FER: variants seen among roughly 807,000 people sequenced by gnomAD.
The protein encoded by FER is tyrosine-protein kinase Fer.
In FER, 63 loss-of-function variants were observed where a neutral mutation model predicts 111.0. That is an observed-to-expected ratio of 0.57 (90% CI 0.46 to 0.70). FER has a LOEUF of 0.70. FER is among the 30% of genes least tolerant of loss of function. FER has a pLI of 0.00. For missense variants in FER, 914 were observed against 954.0 expected, an observed-to-expected ratio of 0.96 and a Z score of 0.55; for synonymous variants, 327 against 313.9, an observed-to-expected ratio of 1.04 and a Z score of -0.44.
chr5:109,161,792 T>G (rs556027416), intron 17 of FER, among the ~76,000 whole-genome samples: 3 of 152,146 alleles, frequency 2.0e-5, no homozygotes, highest in African/African-American at 7.2e-5. Context: ...AACCCCAATG[T>G]GATTGCTTGG....
chr5:108,943,255 G>A (rs1756519208), intron 10 of FER, among the ~76,000 whole-genome samples: 1 of 152,152 alleles, frequency 6.6e-6, no homozygotes, highest in Non-Finnish European at 1.5e-5. Context: ...ATGATGGGGA[G>A]TTGGACAAAA....
At chr5:109,051,416 C>G in intron 16 of FER, 1 of 1,612,916 alleles carries the variant, frequency 6.2e-7, no homozygotes, top group Non-Finnish European at 8.5e-7. Context: ...TCATGTCCAG[C>G]AGCTAGTTTT....
intron 10 of FER, among the ~76,000 whole-genome samples, chr5:108,929,615 A>G (rs1342415275): frequency 6.6e-6 from 1 of 151,796 alleles, no homozygotes; most frequent in Non-Finnish European, 1.5e-5. Flanking sequence ...TTTTTTTTAA[A>G]GGAAGTCATT....
intron 10 of FER, among the ~76,000 whole-genome samples, chr5:108,901,401 A>T (rs1327160347): frequency 6.6e-6 from 1 of 152,146 alleles, no homozygotes; most frequent in East Asian, 1.9e-4. Context: ...GAGGCCATCA[A>T]GAGAGGAATG....
In FER at chr5:108,833,036, A is replaced by G. The variant is rs1364424758; in HGVS notation, c.381+93A>G. ...ATTTGGCTTTAAAAATTGTTTATTC[A>G]TCATTTCCCAACAAGAAATAGGTTT... On this transcript the variant is annotated intron_variant, in intron 4 of 19. Transcript: ENST00000281092. The G allele has an allele frequency of 7.2e-6, 8 of 1,106,906 alleles. No individual in the cohort carries two copies. In the East Asian group the frequency reaches 1.8e-4, roughly 24 times the overall value. 68.6% of individuals were successfully genotyped at this position (1,106,906 alleles called of 1,614,324 possible).
At chr5:109,083,485 C>T (rs1777220095) in intron 16 of FER, among the ~76,000 whole-genome samples, 1 of 152,004 alleles carries the variant, frequency 6.6e-6, no homozygotes, top group Non-Finnish European at 1.5e-5. Flanking sequence ...TCCATTTTAA[C>T]CCAAAGATTG....
Position 108,892,547 on chromosome 5 carries a change from A to T in FER, c.1047-5112A>T, listed in dbSNP as rs192026130. Among the ~76,000 whole-genome samples, 26 of 151,906 alleles carry T rather than the reference A, an allele frequency of 1.7e-4. No homozygotes were observed. In the South Asian group the frequency reaches 2.9e-3, roughly 17 times the overall value. ...TTTTCTTGTAAATTTGTTTGAGTTC[A>T]TTGTAGATTCTGGATATTAGCCCTT... On this transcript the variant is annotated intron_variant, in intron 9 of 19. Coordinates refer to ENST00000281092, the MANE Select transcript of FER (RefSeq NM_005246.4).
At chr5:109,160,239 G>A (rs1314322669) in intron 17 of FER, among the ~76,000 whole-genome samples, 2 of 152,074 alleles carry the variant, frequency 1.3e-5, no homozygotes, top group Non-Finnish European at 2.9e-5. Context: ...GATACTGACT[G>A]GCACATCTGC....
intron 2 of FER, among the ~76,000 whole-genome samples, chr5:108,775,962 T>G (rs939140735): frequency 1.3e-5 from 2 of 152,230 alleles, no homozygotes; most frequent in Non-Finnish European, 2.9e-5. Flanking sequence ...TGTGGCAGCT[T>G]AATATTTTAT....
chr5:108,839,346 A>C (rs143460608), intron 5 of FER, among the ~76,000 whole-genome samples: 7 of 152,278 alleles, frequency 4.6e-5, no homozygotes, highest in Middle Eastern at 3.4e-3. Flanking sequence ...GTGATTGTCA[A>C]ATCAAAAGTT....
chr5:109,102,739 G>T (rs534623827), intron 17 of FER, among the ~76,000 whole-genome samples: 2 of 152,060 alleles, frequency 1.3e-5, no homozygotes, highest in South Asian at 4.2e-4. Context: ...CTCCCAACTA[G>T]TGGTCCTTTG....
intron 10 of FER, among the ~76,000 whole-genome samples, chr5:108,918,607 C>T (rs1752586909): frequency 6.6e-6 from 1 of 151,958 alleles, no homozygotes; most frequent in African/African-American, 2.4e-5. Flanking sequence ...CTGCCTCAGC[C>T]TCCCGAGTAG....
intron 17 of FER, among the ~76,000 whole-genome samples, chr5:109,145,223 C>A (rs182945189): frequency 1.8e-4 from 28 of 152,114 alleles, no homozygotes; most frequent in Admixed American, 1.4e-3. Flanking sequence ...ACTGACTTCA[C>A]CCAGTATGTC....
intron 5 of FER, among the ~76,000 whole-genome samples, chr5:108,865,007 A>C (rs568475080): frequency 6.6e-6 from 1 of 152,230 alleles, no homozygotes; most frequent in East Asian, 1.9e-4. Context: ...ATGTTCTTCC[A>C]TTTGTTTGTA....
chr5:109,082,433 C>G (rs1777094008), intron 16 of FER, among the ~76,000 whole-genome samples: 2 of 151,970 alleles, frequency 1.3e-5, no homozygotes, highest in Non-Finnish European at 2.9e-5. Flanking sequence ...ATTCTGCTGT[C>G]TAGATAAAAT....
intron 3 of FER, among the ~76,000 whole-genome samples, chr5:108,822,354 T>C (rs929002703): frequency 2.0e-5 from 3 of 152,212 alleles, no homozygotes; most frequent in African/African-American, 7.2e-5. Context: ...GAATTCCTGA[T>C]ATTGGGCATT....
At chr5:109,095,694 G>A (rs1460233874) in intron 16 of FER, among the ~76,000 whole-genome samples, 1 of 151,800 alleles carries the variant, frequency 6.6e-6, no homozygotes, top group Non-Finnish European at 1.5e-5. Flanking sequence ...ATTTCTGATG[G>A]GCTGGCTAAC....
At chr5:109,087,481 C>A (rs1777693899) in intron 16 of FER, among the ~76,000 whole-genome samples, 1 of 151,662 alleles carries the variant, frequency 6.6e-6, no homozygotes, top group Admixed American at 6.6e-5. Context: ...GTTTAAATAT[C>A]CAACACTGAT....
At chr5:109,059,108 T>G (rs866786726) in intron 16 of FER, among the ~76,000 whole-genome samples, 2 of 152,044 alleles carry the variant, frequency 1.3e-5, no homozygotes, top group Non-Finnish European at 2.9e-5. Flanking sequence ...CTTCTCTCAA[T>G]ATATTGCTGT....
Sources: allele counts gnomAD v4.1 joint callset (sites outside exome capture counted in the v4.1 genomes callset), GRCh38; gene constraint gnomAD v4.1.1; transcripts MANE v1.5; gene names NCBI Gene and HGNC (gene_info 2026-07-23, HGNC 2026-07-21).